Variants in GLRA2 observed in about 807,000 individuals in gnomAD.
GLRA2 encodes glycine receptor subunit alpha-2.
A neutral mutation model predicts 31.6 loss-of-function variants in GLRA2; 11 were observed. That is an observed-to-expected ratio of 0.35 (90% confidence interval 0.22 to 0.58). The LOEUF is 0.58. Ranked by LOEUF, GLRA2 falls within the 20% of genes least tolerant of loss-of-function variation. The pLI is 0.84. For synonymous variants in GLRA2, 132 were observed against 134.0 expected, an observed-to-expected ratio of 0.99 and a Z score of 0.10; for missense variants, 212 against 351.8, an observed-to-expected ratio of 0.60 and a Z score of 3.18.
rs180691760 is a variant in GLRA2, at chrX:14,562,325, C to T, written c.203-12008C>T. ...GTAGGAAAGTTTTGTGGTATTCCCA[C>T]TTGCCCTTGTCCCATTCCCTCCCTA... On this transcript the variant is annotated intron_variant, in intron 2 of 8. Coordinates refer to ENST00000218075, the MANE Select transcript of GLRA2 (RefSeq NM_002063.4). Among the ~76,000 whole-genome samples, 331 of 112,408 alleles carry T rather than the reference C, an allele frequency of 2.9e-3. 1 individual carries two copies. Among genetic ancestry groups the T allele is most frequent in the Non-Finnish European group, 4.7e-3 (252 of 53,247 alleles).
intron 4 of GLRA2, among the ~76,000 whole-genome samples, chrX:14,583,995 G>A (rs889313596): frequency 2.7e-5 from 3 of 110,969 alleles, no homozygotes; most frequent in African/African-American, 6.6e-5. Flanking sequence ...TGGGAACTAA[G>A]CATTGAATAT....
At chrX:14,606,174 C>G (rs1023244061) in intron 5 of GLRA2, among the ~76,000 whole-genome samples, 1 of 86,881 alleles carries the variant, frequency 1.2e-5, no homozygotes. Context: ...AAAAAAAAAA[C>G]ATGCTGAGGA....
At position 14,532,269 on chromosome X, in the gene GLRA2, G is replaced by A. The variant is rs757998319; in HGVS notation, c.99G>A (p.Arg33=). The part of the protein sequence containing the change: ...RTAFCKDHDS[R]SGKQPSQTLS... ...CTTTCTGCAAAGACCATGACTCCAG[G>A]TCTGGAAAACAACCTTCACAGACCC... Residue 33 remains arginine, a synonymous_variant, in exon 2 of 9, where the codon AGG becomes AGA. Transcript: ENST00000218075. 2.5e-6 allele frequency: 3 copies of A among 1,186,135 alleles called. No individual in the cohort carries two copies. The highest frequency in any genetic ancestry group is 3.7e-5 in the South Asian group (2 of 53,953).
At chrX:14,724,455 G>A (rs763774993) in intron 8 of GLRA2, among the ~76,000 whole-genome samples, 4 of 108,235 alleles carry the variant, frequency 3.7e-5, no homozygotes, top group African/African-American at 6.8e-5. Context: ...GTAAAACCCC[G>A]TCTCTACTAA....
chrX:14,579,503 T>C (rs912236874), intron 3 of GLRA2, among the ~76,000 whole-genome samples: 4 of 111,231 alleles, frequency 3.6e-5, no homozygotes, highest in Non-Finnish European at 7.5e-5. Context: ...CTAATTTTTG[T>C]ATTTTTAGTA....
chrX:14,625,154 A>T (rs142405722), intron 7 of GLRA2, among the ~76,000 whole-genome samples: 3,152 of 110,698 alleles, frequency 0.028, 100 homozygotes, highest in African/African-American at 0.091. Flanking sequence ...GTTTTATCAG[A>T]GACTAGGATT....
the GLRA2 span, among the ~76,000 whole-genome samples, chrX:14,450,260 T>C: frequency 8.9e-6 from 1 of 112,111 alleles, no homozygotes; most frequent in Non-Finnish European, 1.9e-5. Context: ...GCAGACATAC[T>C]CCACAACCTG....
At chrX:14,627,248 T>C (rs1326010444) in intron 7 of GLRA2, among the ~76,000 whole-genome samples, 1 of 111,789 alleles carries the variant, frequency 8.9e-6, no homozygotes, top group East Asian at 2.8e-4. Context: ...CTGATATTTA[T>C]TCACTCTATG....
intron 8 of GLRA2, among the ~76,000 whole-genome samples, chrX:14,724,910 CTTCA>C (rs1453263842): frequency 9.0e-6 from 1 of 111,372 alleles, no homozygotes; most frequent in African/African-American, 3.3e-5. Context: ...CAGTCAGATT[CTTCA>C]TTCATAATCT....
the GLRA2 span, among the ~76,000 whole-genome samples, chrX:14,472,813 A>G: frequency 9.0e-6 from 1 of 111,565 alleles, no homozygotes; most frequent in Non-Finnish European, 1.9e-5. Context: ...CTCAAACGTT[A>G]GAACCTTCAG....
the GLRA2 span, among the ~76,000 whole-genome samples, chrX:14,482,121 T>G: frequency 1.8e-5 from 2 of 112,118 alleles, no homozygotes; most frequent in Non-Finnish European, 3.8e-5. Flanking sequence ...AATGAAATTC[T>G]AGAATCTGAA....
chrX:14,682,263 G>C (rs961994710), intron 7 of GLRA2, among the ~76,000 whole-genome samples: 100 of 110,203 alleles, frequency 9.1e-4, no homozygotes, highest in African/African-American at 3.1e-3. Flanking sequence ...ATCCCAGGTA[G>C]GAAGAATAAT....
intron 7 of GLRA2, among the ~76,000 whole-genome samples, chrX:14,686,337 G>C (rs1369825254): frequency 4.5e-5 from 5 of 111,609 alleles, no homozygotes; most frequent in Non-Finnish European, 9.4e-5. Flanking sequence ...GGTCTGCTTG[G>C]TGCAGAGCTG....
At chrX:14,591,559 C>T (rs897943867) in intron 4 of GLRA2, among the ~76,000 whole-genome samples, 30 of 111,927 alleles carry the variant, frequency 2.7e-4, no homozygotes, top group Admixed American at 2.4e-3. Context: ...TTATTCTAGC[C>T]GTGCTGGCAG....
At chrX:14,664,700 A>G (rs2091022389) in intron 7 of GLRA2, among the ~76,000 whole-genome samples, 1 of 112,325 alleles carries the variant, frequency 8.9e-6, no homozygotes, top group South Asian at 3.7e-4. Context: ...GTCCTTGAAA[A>G]CAGGACCTGA....
At chrX:14,613,363 AAAGTTTGTCATATGTATGTGTGT>A (rs2090421134) in intron 7 of GLRA2, among the ~76,000 whole-genome samples, 1 of 112,004 alleles carries the variant, frequency 8.9e-6, no homozygotes, top group Non-Finnish European at 1.9e-5. Flanking sequence ...GAGATTAACC[AAAGTTTGTCATATGTATGTGTGT>A]ACAAGATACA....
intron 7 of GLRA2, among the ~76,000 whole-genome samples, chrX:14,662,630 T>C (rs2091002482): frequency 8.9e-6 from 1 of 111,811 alleles, no homozygotes; most frequent in Non-Finnish European, 1.9e-5. Flanking sequence ...ATGAATGCTA[T>C]ATATGATTTG....
At chrX:14,613,692 C>A (rs1437408228) in intron 7 of GLRA2, among the ~76,000 whole-genome samples, 1 of 110,970 alleles carries the variant, frequency 9.0e-6, no homozygotes, top group African/African-American at 3.3e-5. Flanking sequence ...CTGTGGATAC[C>A]AAGGGGGCAA....
At chrX:14,488,242 A>T in the GLRA2 span, among the ~76,000 whole-genome samples, 6 of 112,158 alleles carry the variant, frequency 5.3e-5, no homozygotes, top group African/African-American at 1.9e-4. Flanking sequence ...AATTTCAAGG[A>T]GAACAGATGA....
Sources: allele counts gnomAD v4.1 joint callset (sites outside exome capture counted in the v4.1 genomes callset), GRCh38; gene constraint gnomAD v4.1.1; transcripts MANE v1.5; gene names NCBI Gene and HGNC (gene_info 2026-07-23, HGNC 2026-07-21).